Variants in HSD17B12 observed in about 807,000 individuals in gnomAD.
HSD17B12 encodes the protein very-long-chain 3-oxoacyl-CoA reductase.
Under a neutral mutation model 39.3 loss-of-function variants are expected in HSD17B12, and 32 were observed. The observed-to-expected ratio is 0.81, with a 90% confidence interval of 0.61 to 1.09. HSD17B12 has a LOEUF of 1.09. HSD17B12 is among the 50% of genes least tolerant of loss of function. HSD17B12 has a pLI of 0.00. For missense variants in HSD17B12, 342 were observed against 382.9 expected (o/e 0.89, Z 0.89); for synonymous variants, 150 against 146.7 (o/e 1.02, Z -0.16).
the HSD17B12 span, among the ~76,000 whole-genome samples, chr11:43,632,934 T>C: frequency 1.2e-4 from 19 of 152,234 alleles, no homozygotes; most frequent in East Asian, 3.5e-3. Flanking sequence ...ATAGTTCCTT[T>C]ATTTAAAAAG....
At chr11:43,588,756 GA>G in the HSD17B12 span, among the ~76,000 whole-genome samples, 1 of 151,588 alleles carries the variant, frequency 6.6e-6, no homozygotes, top group Non-Finnish European at 1.5e-5. Context: ...ATCTTTTCTG[GA>G]AGCATCTGTC....
At chr11:43,827,491 C>A (rs1054590291) in intron 6 of HSD17B12, among the ~76,000 whole-genome samples, 8 of 152,058 alleles carry the variant, frequency 5.3e-5, no homozygotes, top group Non-Finnish European at 2.9e-5. Flanking sequence ...AGGAGTAAAA[C>A]AGAAAAAGTT....
At chr11:43,691,689 A>G (rs564938346) in intron 1 of HSD17B12, among the ~76,000 whole-genome samples, 2 of 152,324 alleles carry the variant, frequency 1.3e-5, no homozygotes, top group East Asian at 1.9e-4. Flanking sequence ...ATGTCTATGC[A>G]AACATCAGGC....
intron 3 of HSD17B12, among the ~76,000 whole-genome samples, chr11:43,782,469 T>C (rs1239039707): frequency 6.6e-6 from 1 of 152,096 alleles, no homozygotes; most frequent in Admixed American, 6.6e-5. Flanking sequence ...TTACCTGAGG[T>C]CAGGAGTTCA....
chr11:43,612,700 G>C, the HSD17B12 span, among the ~76,000 whole-genome samples: 1 of 152,194 alleles, frequency 6.6e-6, no homozygotes, highest in Non-Finnish European at 1.5e-5. Flanking sequence ...GCCTGTAAAG[G>C]ATGAAGGAAG....
chr11:43,612,149 T>C, the HSD17B12 span, among the ~76,000 whole-genome samples: 1 of 152,188 alleles, frequency 6.6e-6, no homozygotes, highest in African/African-American at 2.4e-5. Flanking sequence ...TGGTATCAAA[T>C]GATGTAATTC....
rs1397106106 is a variant in HSD17B12, at chr11:43,831,699, A to G, written c.536+689A>G. The G allele has an allele frequency of 6.6e-6, 1 of 152,254 alleles. No individual in the cohort carries two copies. The highest frequency in any genetic ancestry group is 1.5e-5 in the Non-Finnish European group (1 of 68,040). The allele number at this position is 152,254 out of a possible 1,614,324, so 9.4% of individuals were successfully genotyped here. ...AGCTGCTAAAAAGATTTGGGCTTGC[A>G]TCCTGAGCTAGCTCGATCATTTGCT... On this transcript the variant is annotated intron_variant, in intron 7 of 10. Coordinates refer to ENST00000278353, the MANE Select transcript of HSD17B12 (RefSeq NM_016142.3). The surrounding 1 kb of genome is among the most constrained non-coding windows in gnomAD (Gnocchi z 4.1).
At chr11:43,729,671 C>T (rs895423740) in intron 1 of HSD17B12, among the ~76,000 whole-genome samples, 5 of 152,206 alleles carry the variant, frequency 3.3e-5, no homozygotes, top group Admixed American at 2.0e-4. Flanking sequence ...AGTATGCTTT[C>T]TTTGATTCCA....
chr11:43,846,696 C>T (rs1951478107), intron 9 of HSD17B12, among the ~76,000 whole-genome samples: 2 of 152,136 alleles, frequency 1.3e-5, no homozygotes. Flanking sequence ...AGTCCTGAAA[C>T]TTGCTTAAAG....
At chr11:43,699,604 G>A (rs1949944138) in intron 1 of HSD17B12, among the ~76,000 whole-genome samples, 2 of 151,952 alleles carry the variant, frequency 1.3e-5, no homozygotes, top group Admixed American at 1.3e-4. Flanking sequence ...CAAATTGTTT[G>A]TTAATGTTAC....
At chr11:43,587,483 CT>C in the HSD17B12 span, among the ~76,000 whole-genome samples, 9 of 151,974 alleles carry the variant, frequency 5.9e-5, no homozygotes, top group Non-Finnish European at 8.8e-5. Context: ...TTTAGTTGTT[CT>C]TTTTTTTCCC....
At chr11:43,577,052 G>A in the HSD17B12 span, among the ~76,000 whole-genome samples, 1 of 152,232 alleles carries the variant, frequency 6.6e-6, no homozygotes, top group African/African-American at 2.4e-5. Flanking sequence ...GTTGGGTAAA[G>A]AGAGGGAAAA....
At chr11:43,763,427 C>T (rs1950569733) in intron 3 of HSD17B12, among the ~76,000 whole-genome samples, 2 of 152,040 alleles carry the variant, frequency 1.3e-5, no homozygotes, top group South Asian at 4.1e-4. Flanking sequence ...GATAAGGAAC[C>T]TTTACTAGCC....
the HSD17B12 span, among the ~76,000 whole-genome samples, chr11:43,649,182 TGTA>T: frequency 1.3e-5 from 2 of 152,028 alleles, no homozygotes; most frequent in Middle Eastern, 3.4e-3. Flanking sequence ...AAGGGCCCAT[TGTA>T]GTAGAGGGTT....
intron 1 of HSD17B12, chr11:43,724,217 C>CTG (rs1342165138): frequency 1.8e-5 from 2 of 112,492 alleles, no homozygotes; most frequent in South Asian, 3.0e-4. Context: ...TATGTGTATG[C>CTG]TCTGTGTGTG....
chr11:43,560,656 G>A, the HSD17B12 span, among the ~76,000 whole-genome samples: 14 of 152,306 alleles, frequency 9.2e-5, no homozygotes, highest in East Asian at 1.9e-4. Context: ...GGACAGGAAC[G>A]ATGGATGGGC....
intron 2 of HSD17B12, among the ~76,000 whole-genome samples, chr11:43,751,993 C>T (rs867338953): frequency 6.6e-6 from 1 of 152,170 alleles, no homozygotes; most frequent in Non-Finnish European, 1.5e-5. Context: ...CTTTTTTAAT[C>T]GTTGTTTTTC....
intron 1 of HSD17B12, among the ~76,000 whole-genome samples, chr11:43,685,175 C>G (rs1257912244): frequency 6.6e-6 from 1 of 152,106 alleles, no homozygotes; most frequent in African/African-American, 2.4e-5. Flanking sequence ...TGATGGAACT[C>G]GTTTGGCTTT....
chr11:43,588,099 G>C, the HSD17B12 span, among the ~76,000 whole-genome samples: 1 of 152,164 alleles, frequency 6.6e-6, no homozygotes, highest in African/African-American at 2.4e-5. Flanking sequence ...TTTCTTCCCT[G>C]CTTTCAGCAT....
Sources: gnomAD v4.1 joint callset for allele counts (sites outside exome capture counted in the v4.1 genomes callset) on GRCh38, gnomAD v4.1.1 for gene constraint, Gnocchi (gnomAD v3.1) non-coding constraint, MANE v1.5 for transcripts, NCBI Gene and HGNC (gene_info 2026-07-23, HGNC 2026-07-21) for gene names.